The following GABBR2 variants were observed in gnomAD, a reference collection of about 807,000 sequenced individuals.
GABBR2 encodes gamma-aminobutyric acid type B receptor subunit 2, also known as G-protein coupled receptor 51.
GABBR2 carries 23 observed loss-of-function variants against 105.6 expected under a neutral mutation model. The ratio of observed to expected loss-of-function variants is 0.22; its 90% CI spans 0.16 to 0.31. The LOEUF (loss-of-function observed/expected upper bound fraction) is 0.31, where lower values mean the gene tolerates loss of function less well. Among genes scored for constraint, GABBR2 ranks in the 10% least tolerant of loss-of-function variants. The pLI is 1.00. For missense variants in GABBR2, 734 were observed against 1,245.5 expected (o/e 0.59, Z 6.18); for synonymous variants, 478 against 499.7 (o/e 0.96, Z 0.58).
At chr9:98,675,256 C>T (rs926023800) in intron 1 of GABBR2, among the ~76,000 whole-genome samples, 1 of 152,038 alleles carries the variant, frequency 6.6e-6, no homozygotes, top group African/African-American at 2.4e-5. Flanking sequence ...GGTCAGTGGC[C>T]AAAGCAGGAG....
intron 1 of GABBR2, among the ~76,000 whole-genome samples, chr9:98,702,049 G>A (rs954698271): frequency 1.3e-5 from 2 of 152,124 alleles, no homozygotes; most frequent in African/African-American, 4.8e-5. Flanking sequence ...GGCAGTTAGT[G>A]TATCAGCCCC....
chr9:98,531,075 T>C (rs1335395808), intron 3 of GABBR2, among the ~76,000 whole-genome samples: 1 of 152,116 alleles, frequency 6.6e-6, no homozygotes, highest in Non-Finnish European at 1.5e-5. Context: ...CTGTGGACTG[T>C]TTTGAAGAAG....
At chr9:98,290,876 T>C (rs901913539) in intron 18 of GABBR2, 127 bp from the exon 19 acceptor site, 3 of 526,784 alleles carry the variant, frequency 5.7e-6, no homozygotes, top group Non-Finnish European at 9.6e-6. Context: ...CCAAGATCTG[T>C]CCATCCAATC....
intron 7 of GABBR2, among the ~76,000 whole-genome samples, chr9:98,422,903 T>C (rs1485837904): frequency 6.6e-6 from 1 of 152,010 alleles, no homozygotes; most frequent in Non-Finnish European, 1.5e-5. Flanking sequence ...AGAATGATGA[T>C]TTCCAATTTC....
chr9:98,415,781 G>A (rs1440750667), intron 7 of GABBR2, among the ~76,000 whole-genome samples: 1 of 152,198 alleles, frequency 6.6e-6, no homozygotes, highest in African/African-American at 2.4e-5. Context: ...ACTTTGCCTA[G>A]GGTCACATAA....
In GABBR2 at chr9:98,306,256, G is replaced by T. The variant is rs763391651; in HGVS notation, c.2094C>A (p.Asn698Lys). ...CCCCGATGATGCACATGATCCCCACGTTGTAGACACTCATCCCGATGTACT... is the reference window on the plus strand; with the variant it reads ...CCCCGATGATGCACATGATCCCCACTTTGTAGACACTCATCCCGATGTACT... ...DSKYIGMSVY[N>K]VGIMCIIGAA... The change falls in exon 15 of 19, where the codon AAC becomes AAA. Residue 698 changes from asparagine to lysine, a missense_variant. Asn to Lys is a moderately conservative substitution (Grantham distance 94, BLOSUM62 0). This residue lies in a region of GABBR2 where 91 missense variants were observed against 185.9 expected (regional missense o/e 0.49). Transcript: ENST00000259455. This position sits in a 1 kb window ranked among gnomAD's most constrained non-coding sequence, Gnocchi z 5.4. 1 of 1,613,936 alleles carries T rather than the reference G, an allele frequency of 6.2e-7. No homozygotes were observed. Among genetic ancestry groups the T allele is most frequent in the Non-Finnish European group, 8.5e-7 (1 of 1,179,914 alleles).
intron 13 of GABBR2, among the ~76,000 whole-genome samples, chr9:98,359,433 A>AAAAAT (rs952813240): frequency 7.2e-5 from 11 of 152,244 alleles, no homozygotes; most frequent in Middle Eastern, 3.4e-3. Flanking sequence ...CTGTCTCCAA[A>AAAAAT]AAAATAAAAT....
intron 1 of GABBR2, among the ~76,000 whole-genome samples, chr9:98,695,232 G>A (rs1025079052): frequency 1.3e-5 from 2 of 152,200 alleles, no homozygotes; most frequent in African/African-American, 2.4e-5. Flanking sequence ...CAAATATTCT[G>A]GAGTACCTGC....
At chr9:98,413,273 G>T (rs1463628503) in intron 7 of GABBR2, among the ~76,000 whole-genome samples, 1 of 152,146 alleles carries the variant, frequency 6.6e-6, no homozygotes, top group Admixed American at 6.5e-5. Context: ...CAGACTTTGA[G>T]AAAACACTGG....
chr9:98,438,193 A>G (rs1173988700), intron 7 of GABBR2, among the ~76,000 whole-genome samples: 1 of 146,786 alleles, frequency 6.8e-6, no homozygotes, highest in African/African-American at 2.7e-5. Flanking sequence ...CCATCCATCC[A>G]TCCATCCATC....
intron 7 of GABBR2, among the ~76,000 whole-genome samples, chr9:98,429,645 A>G (rs1412435804): frequency 6.6e-6 from 1 of 152,194 alleles, no homozygotes; most frequent in East Asian, 1.9e-4. Flanking sequence ...CACATCTTGC[A>G]GGCAGTGGAT....
chr9:98,699,633 G>A (rs953894407), intron 1 of GABBR2, among the ~76,000 whole-genome samples: 3 of 152,200 alleles, frequency 2.0e-5, no homozygotes, highest in Middle Eastern at 3.2e-3. Flanking sequence ...CCCAGTGCCT[G>A]CCCTTTTGGT....
intron 13 of GABBR2, among the ~76,000 whole-genome samples, chr9:98,332,444 G>A (rs1014650536): frequency 2.6e-5 from 4 of 152,076 alleles, no homozygotes; most frequent in South Asian, 4.1e-4. Context: ...AGTTAATGAC[G>A]CTCACAGTAA....
chr9:98,698,861 G>A (rs772624682), intron 1 of GABBR2, among the ~76,000 whole-genome samples: 8 of 152,078 alleles, frequency 5.3e-5, no homozygotes, highest in Non-Finnish European at 7.4e-5. Flanking sequence ...TCAGGGAGAC[G>A]GTCCCTTTCA....
chr9:98,401,133 A>T, intron 8 of GABBR2, among the ~76,000 whole-genome samples: 1 of 152,194 alleles, frequency 6.6e-6, no homozygotes, highest in Non-Finnish European at 1.5e-5. Context: ...AGACAGGAAC[A>T]TCACAGCCTC....
At chr9:98,680,326 GA>G (rs1454860242) in intron 1 of GABBR2, among the ~76,000 whole-genome samples, 2 of 151,552 alleles carry the variant, frequency 1.3e-5, no homozygotes, top group African/African-American at 2.4e-5. Context: ...ATTTTTTTGA[GA>G]CAGAGTCTCG....
At chr9:98,472,216 G>A (rs1005266447) in intron 6 of GABBR2, among the ~76,000 whole-genome samples, 9 of 152,180 alleles carry the variant, frequency 5.9e-5, no homozygotes, top group African/African-American at 1.9e-4. Flanking sequence ...TTTGGCTGCT[G>A]TTCAGAATTG....
Position 98,541,921 on chromosome 9 carries a change from C to G in GABBR2, c.582G>C (p.Gln194His), listed in dbSNP as rs1828311185. ...PAILKLLKHY[Q>H]WKRVGTLTQD... is the part of the protein sequence containing the mutation. The stretch of plus-strand genomic sequence containing the variant: ...GCGTCAGCGTGCCCACGCGCTTCCA[C>G]TGGTAGTGCTTGAGCAACTTCAGAA... The change falls in exon 3 of 19, where the codon CAG becomes CAC. Residue 194 changes from glutamine to histidine, a missense_variant. This residue lies in a region of GABBR2 where 370 missense variants were observed against 648.9 expected (regional missense o/e 0.57). Coordinates refer to ENST00000259455, the MANE Select transcript of GABBR2 (RefSeq NM_005458.8). The G allele has an allele frequency of 2.5e-6, 4 of 1,614,242 alleles. No homozygotes were observed. The African/African-American group carries it at 5.3e-5, about 22-fold the overall frequency.
At chr9:98,611,851 C>T (rs554575065) in intron 1 of GABBR2, among the ~76,000 whole-genome samples, 1 of 152,294 alleles carries the variant, frequency 6.6e-6, no homozygotes, top group South Asian at 2.1e-4. Flanking sequence ...CTGATGCGCC[C>T]AAGGAGTGAA....
Sources: gnomAD v4.1 joint callset for allele counts (sites outside exome capture counted in the v4.1 genomes callset) on GRCh38, gnomAD v4.1.1 for gene constraint, gnomAD v4.1.1 regional missense constraint, Gnocchi (gnomAD v3.1) non-coding constraint, MANE v1.5 for transcripts, NCBI Gene and HGNC (gene_info 2026-07-23, HGNC 2026-07-21) for gene names.